The following CTNNB1 variants were observed in gnomAD, a reference collection of about 807,000 sequenced individuals.
CTNNB1 encodes catenin beta 1, also known as catenin beta-1.
Under a neutral mutation model 82.5 loss-of-function variants are expected in CTNNB1, and 6 were observed. The observed-to-expected ratio is 0.07, with a 90% CI of 0.04 to 0.14. The LOEUF is 0.14. Among genes scored for constraint, CTNNB1 ranks in the 10% least tolerant of loss-of-function variants. The pLI is 1.00. For synonymous variants in CTNNB1, 312 were observed against 329.7 expected (o/e 0.95, Z 0.58); for missense variants, 529 against 980.4 (o/e 0.54, Z 6.15).
chr3:41,232,356 G>C (rs1360060090), intron 7 of CTNNB1, among the ~76,000 whole-genome samples: 1 of 152,108 alleles, frequency 6.6e-6, no homozygotes, highest in East Asian at 1.9e-4. Context: ...TTAGTAGCTG[G>C]AGCTACTATG....
At chr3:41,232,620 G>T (rs2078337286) in intron 7 of CTNNB1, among the ~76,000 whole-genome samples, 1 of 151,976 alleles carries the variant, frequency 6.6e-6, no homozygotes, top group South Asian at 2.1e-4. Context: ...TCCTTTGCCA[G>T]AGTAAATGTC....
At chr3:41,235,052 C>T (rs1479944984) in intron 10 of CTNNB1, 1 of 153,902 alleles carries the variant, frequency 6.5e-6, no homozygotes, top group East Asian at 1.9e-4. Context: ...GTTGAGGGCA[C>T]CTTTTATTTT....
intron 2 of CTNNB1, 22 bp downstream of exon 2, chr3:41,224,103 G>C (rs2078116673): frequency 6.2e-7 from 1 of 1,613,626 alleles, no homozygotes; most frequent in Non-Finnish European, 8.5e-7. Flanking sequence ...TAAATCTTTA[G>C]TTACTGAATT....
Position 41,239,897 on chromosome 3 carries a change from T to G in CTNNB1, c.*555T>G, listed in dbSNP as rs2953. 89,067 of 211,094 alleles carry G rather than the reference T, an allele frequency of 0.42. 18,825 individuals are homozygous for G. Among genetic ancestry groups the G allele is most frequent in the Non-Finnish European group, 0.47 (50,043 of 105,918 alleles). 13.1% of individuals were successfully genotyped at this position (211,094 alleles called of 1,614,324 possible). A position where few individuals can be genotyped will look rare whatever the true frequency, so the allele number is the denominator to read the frequency against. The stretch of plus-strand genomic sequence containing the variant: ...AGAATGGATCACAAGATGGAATTTA[T>G]CAAACCCTAGCCTTGCTTGTTAAAT... On this transcript the variant is annotated 3_prime_UTR_variant, in exon 15 of 15. Coordinates refer to ENST00000349496, the MANE Select transcript of CTNNB1 (RefSeq NM_001904.4).
chr3:41,233,987 G>A (rs2078371900), intron 9 of CTNNB1, 120 bp downstream of exon 9: 3 of 1,426,104 alleles, frequency 2.1e-6, no homozygotes, highest in South Asian at 1.2e-5. Context: ...TTAGTAAGTA[G>A]GAAGTATGGC....
chr3:41,199,756 G>A (rs2077478401), intron 1 of CTNNB1, 86 bp downstream of exon 1: 1 of 152,288 alleles, frequency 6.6e-6, no homozygotes, highest in Non-Finnish European at 1.5e-5. Flanking sequence ...CGCGGTCCGG[G>A]CGGCGGGCTG....
rs1321955074 is a variant in CTNNB1, at chr3:41,225,690, C to G, written c.765C>G (p.Ala255=). 1 of 1,613,968 alleles carries G rather than the reference C, an allele frequency of 6.2e-7. No homozygotes were observed. Among genetic ancestry groups the G allele is most frequent in the Non-Finnish European group, 8.5e-7 (1 of 1,180,004 alleles). ...CAGTGGATTCTGTGTTGTTTTATGC[C>G]ATTACAACTCTCCACAACCTTTTAT... ...GSPVDSVLFY[A]ITTLHNLLLH... is the part of the protein sequence containing the mutation. Residue 255 remains alanine, a synonymous_variant, in exon 6 of 15, where the codon GCC becomes GCG. Coordinates refer to ENST00000349496, the MANE Select transcript of CTNNB1 (RefSeq NM_001904.4). The surrounding 1 kb of genome is among the most constrained non-coding windows in gnomAD (Gnocchi z 5.3).
chr3:41,220,359 C>T (rs1279726652), intron 1 of CTNNB1, among the ~76,000 whole-genome samples: 1 of 151,888 alleles, frequency 6.6e-6, no homozygotes. Context: ...TCGAGGATGA[C>T]AAGACACCTT....
intron 1 of CTNNB1, among the ~76,000 whole-genome samples, chr3:41,209,043 G>A (rs1158502639): frequency 6.6e-5 from 10 of 152,180 alleles, no homozygotes; most frequent in Non-Finnish European, 1.3e-4. Flanking sequence ...TAATCTGTTA[G>A]TAGTATTTGG....
At chr3:41,237,821 G>A (rs1242364449) in intron 13 of CTNNB1, 195 bp from the exon 14 acceptor site, 1 of 566,046 alleles carries the variant, frequency 1.8e-6, no homozygotes, top group Non-Finnish European at 3.2e-6. Context: ...TTTTTAATGT[G>A]AGGTGCAAAG....
chr3:41,234,066 AGT>A, intron 9 of CTNNB1, 71 bp from the exon 10 acceptor site: 1 of 1,584,754 alleles, frequency 6.3e-7, no homozygotes, highest in Non-Finnish European at 8.7e-7. Context: ...CAATAGATTT[AGT>A]GTGGTGGGAA....
At chr3:41,216,703 A>G (rs1476117187) in intron 1 of CTNNB1, among the ~76,000 whole-genome samples, 1 of 152,196 alleles carries the variant, frequency 6.6e-6, no homozygotes, top group African/African-American at 2.4e-5. Context: ...GCTAACCTAT[A>G]TAGGGTTAAA....
intron 1 of CTNNB1, chr3:41,211,130 C>T: frequency 6.6e-6 from 3 of 454,602 alleles, no homozygotes; most frequent in South Asian, 4.7e-5. Context: ...AGTAAACCTA[C>T]TGTGGTTTCG....
chr3:41,212,251 C>T (rs1264284989), intron 1 of CTNNB1, among the ~76,000 whole-genome samples: 2 of 152,080 alleles, frequency 1.3e-5, no homozygotes, highest in African/African-American at 4.8e-5. Flanking sequence ...TCCCTGATAG[C>T]GGGACAGCCA....
Position 41,225,478 on chromosome 3 carries a change from A to G in CTNNB1, c.640A>G (p.Thr214Ala), listed in dbSNP as rs1230436040. The G allele has an allele frequency of 4.3e-6, 7 of 1,613,894 alleles. No individual in the cohort carries two copies. The highest frequency in any genetic ancestry group is 4.2e-6 in the Non-Finnish European group (5 of 1,179,998). ...NTNDVETARC[T>A]AGTLHNLSHH... is the part of the protein sequence containing the mutation. Reference sequence around the variant, plus strand: ...AAATGATGTAGAAACAGCTCGTTGTACCGCTGGGACCTTGCATAACCTTTC... The same window carrying G: ...AAATGATGTAGAAACAGCTCGTTGTGCCGCTGGGACCTTGCATAACCTTTC... The change falls in exon 5 of 15, where the codon ACC becomes GCC. Residue 214 changes from threonine (T) to alanine (A), a missense_variant. This residue lies in a region of CTNNB1 where 411 missense variants were observed against 776.4 expected (regional missense o/e 0.53). Coordinates refer to ENST00000349496, the MANE Select transcript of CTNNB1 (RefSeq NM_001904.4). This position sits in a 1 kb window ranked among gnomAD's most constrained non-coding sequence, Gnocchi z 5.3.
intron 1 of CTNNB1, chr3:41,211,191 G>A (rs758219757): frequency 4.0e-5 from 16 of 400,596 alleles, no homozygotes; most frequent in Non-Finnish European, 7.7e-5. Context: ...GTGCTGCGAC[G>A]TTAACGATGG....
intron 7 of CTNNB1, chr3:41,233,082 GA>G (rs1377557552): frequency 1.8e-6 from 1 of 570,738 alleles, no homozygotes; most frequent in Non-Finnish European, 3.1e-6. Context: ...ACCTAAGGGG[GA>G]CAGTGGAGAT....
intron 7 of CTNNB1, among the ~76,000 whole-genome samples, chr3:41,232,225 C>T (rs570679457): frequency 1.3e-5 from 2 of 152,112 alleles, no homozygotes; most frequent in South Asian, 4.2e-4. Context: ...GGGTTAAAAT[C>T]CATTCTCTTA....
rs1227678830 is a variant in CTNNB1 at position 41,233,642 on chromosome 3, G to A, written c.1299G>A (p.Lys433=). 2.5e-6 allele frequency: 4 copies of A among 1,614,140 alleles called. No homozygotes were observed. The highest frequency in any genetic ancestry group is 1.6e-4 in the Middle Eastern group (1 of 6,062). The change falls in exon 9 of 15, where the codon AAG becomes AAA. Residue 433 remains lysine (K), a synonymous_variant. Transcript: ENST00000349496. ...ILSNLTCNNY[K]NKMMVCQVGG... is the part of the protein sequence containing the mutation. The stretch of plus-strand genomic sequence containing the variant: ...CTAACCTCACTTGCAATAATTATAA[G>A]AACAAGATGATGGTCTGCCAAGTGG...
Sources: gnomAD v4.1 joint callset for allele counts (sites outside exome capture counted in the v4.1 genomes callset) on GRCh38, gnomAD v4.1.1 for gene constraint, gnomAD v4.1.1 regional missense constraint, Gnocchi (gnomAD v3.1) non-coding constraint, MANE v1.5 for transcripts, NCBI Gene and HGNC (gene_info 2026-07-23, HGNC 2026-07-21) for gene names.